The following PLAG1 variants were observed in gnomAD, a reference collection of about 807,000 sequenced individuals.
PLAG1 encodes the protein PLAG1 zinc finger.
Under a neutral mutation model 35.5 loss-of-function variants are expected in PLAG1, and 7 were observed. That is an observed-to-expected ratio of 0.20 (90% CI 0.11 to 0.37). The LOEUF is 0.37. PLAG1 is among the 10% of genes least tolerant of loss of function. The pLI is 1.00. For missense variants in PLAG1, 454 were observed against 602.8 expected (o/e 0.75, Z 2.58); for synonymous variants, 229 against 225.4 (o/e 1.02, Z -0.14).
intron 2 of PLAG1, among the ~76,000 whole-genome samples, chr8:56,178,349 CAA>C (rs1252549356): frequency 6.6e-6 from 1 of 151,012 alleles, no homozygotes; most frequent in Non-Finnish European, 1.5e-5. Flanking sequence ...TCATTGAAAA[CAA>C]GTTTAAAAAC....
At chr8:56,184,247 A>G (rs1186806731) in intron 1 of PLAG1, among the ~76,000 whole-genome samples, 4 of 152,228 alleles carry the variant, frequency 2.6e-5, no homozygotes, top group Non-Finnish European at 5.9e-5. Context: ...ATCACTGATC[A>G]TTAGGGAAAT....
Position 56,166,439 on chromosome 8 carries a change from G to A in PLAG1, c.1307C>T (p.Ser436Leu). 1 of 1,613,024 alleles carries A rather than the reference G, an allele frequency of 6.2e-7. No homozygotes were observed. Among genetic ancestry groups the A allele is most frequent in the Non-Finnish European group, 8.5e-7 (1 of 1,179,454 alleles). The stretch of plus-strand genomic sequence containing the variant: ...ATAGCTCATTCCAAGGCTCCCCACT[G>A]ATAGAGGATTATAGGGAGGACCATT... ...PLNGPPYNPL[S>L]VGSLGMSYSQ... Residue 436 changes from serine (S) to leucine (L), a missense_variant, in exon 5 of 5, where the codon TCA becomes TTA. Ser to Leu is a moderately radical substitution (Grantham distance 145). This residue lies in a region of PLAG1 where 271 missense variants were observed against 315.6 expected (regional missense o/e 0.86). Coordinates refer to ENST00000316981, the MANE Select transcript of PLAG1 (RefSeq NM_002655.3).
chr8:56,160,967 C>G lies in PLAG1; in HGVS notation c.*5276G>C, dbSNP rs1352170030. On this transcript the variant is annotated 3_prime_UTR_variant, in exon 5 of 5. Transcript: ENST00000316981. ...GTGGAATTCACATATCTTATTCTTA[C>G]AGCAAACATAACACTGTAGGCCACA... is the stretch of plus-strand genomic sequence containing the variant. The G allele has an allele frequency of 5.6e-6, 1 of 178,900 alleles. No individual in the cohort carries two copies. Among genetic ancestry groups the G allele is most frequent in the Non-Finnish European group, 1.2e-5 (1 of 83,342 alleles). The allele number at this position is 178,900 out of a possible 1,614,324, so 11.1% of individuals were successfully genotyped here. A position where few individuals can be genotyped will look rare whatever the true frequency, so the allele number is the denominator to read the frequency against.
rs71256590 is a variant in PLAG1, at chr8:56,163,236, T to TTG, written c.*3006_*3007insCA. 1 of 149,016 alleles carries TTG rather than the reference T, an allele frequency of 6.7e-6. No individual in the cohort carries two copies. The highest frequency in any genetic ancestry group is 1.4e-5 in the Non-Finnish European group (1 of 69,948). 9.2% of individuals were successfully genotyped at this position (149,016 alleles called of 1,614,324 possible). ...TTTTTTTTTTTTTTTTTTTTTTTTT[T>TTG]AACCAAGCTAAGGCACTACCAGAAA... On this transcript the variant is annotated 3_prime_UTR_variant, in exon 5 of 5. Transcript: ENST00000316981.
At chr8:56,189,108 A>G (rs1812105761) in intron 1 of PLAG1, among the ~76,000 whole-genome samples, 1 of 152,192 alleles carries the variant, frequency 6.6e-6, no homozygotes. Context: ...GGGGAAACTC[A>G]AGTATGTGCT....
chr8:56,176,038 T>C (rs941698208), intron 2 of PLAG1, among the ~76,000 whole-genome samples: 16 of 147,680 alleles, frequency 1.1e-4, no homozygotes, highest in Non-Finnish European at 2.2e-4. Context: ...AAACTCCCTT[T>C]TCCTTTTCTT....
intron 1 of PLAG1, among the ~76,000 whole-genome samples, chr8:56,185,238 G>T (rs1041513856): frequency 2.0e-5 from 3 of 152,110 alleles, no homozygotes; most frequent in African/African-American, 7.2e-5. Flanking sequence ...ATCACAAAAG[G>T]CCATGAGCAA....
intron 1 of PLAG1, among the ~76,000 whole-genome samples, chr8:56,205,556 ATTAT>A (rs1382004792): frequency 1.3e-5 from 2 of 151,830 alleles, no homozygotes; most frequent in African/African-American, 4.8e-5. Context: ...GTAGTTGGTT[ATTAT>A]TTATTCACAT....
chr8:56,179,468 A>G lies in PLAG1; in HGVS notation c.-276T>C. On this transcript the variant is annotated 5_prime_UTR_variant, in exon 2 of 5. Transcript: ENST00000316981. ...TTATTAATAGACCGTCACAGAATGA[A>G]GCATTCTGGGTGCCAAATACGGCCA... 1 of 980,266 alleles carries G rather than the reference A, an allele frequency of 1.0e-6. No homozygotes were observed. The highest frequency in any genetic ancestry group is 1.2e-6 in the Non-Finnish European group (1 of 824,794). The allele number at this position is 980,266 out of a possible 1,614,324, so 60.7% of individuals were successfully genotyped here. A position where few individuals can be genotyped will look rare whatever the true frequency, so the allele number is the denominator to read the frequency against.
chr8:56,197,834 A>G (rs532726497), intron 1 of PLAG1, among the ~76,000 whole-genome samples: 23 of 152,208 alleles, frequency 1.5e-4, no homozygotes, highest in Middle Eastern at 3.4e-3. Context: ...GGCGGTCAGG[A>G]GGTCTGTCTG....
intron 1 of PLAG1, among the ~76,000 whole-genome samples, chr8:56,196,817 C>G (rs938046646): frequency 9.2e-5 from 14 of 151,990 alleles, no homozygotes; most frequent in South Asian, 2.1e-4. Context: ...ATGCATGTGT[C>G]TCTCTCTCTC....
Position 56,167,970 on chromosome 8 carries a change from GCTTCAAACAGCCAACA to G in PLAG1, c.242+42_242+57del. On this transcript the variant is annotated intron_variant, in intron 4 of 4. Coordinates refer to ENST00000316981, the MANE Select transcript of PLAG1 (RefSeq NM_002655.3). The surrounding 1 kb of genome is among the most constrained non-coding windows in gnomAD (Gnocchi z 5.9). ...TATACAAATACATACGTTTACAATG[GCTTCAAACAGCCAACA>G]TAAGAGAAAATATAATCTGAAAGAC... is the stretch of plus-strand genomic sequence containing the variant. 1.1e-6 allele frequency: 1 copy of G among 944,800 alleles called. No homozygotes were observed. Among genetic ancestry groups the G allele is most frequent in the Non-Finnish European group, 1.6e-6 (1 of 616,992 alleles). 58.5% of individuals were successfully genotyped at this position (944,800 alleles called of 1,614,324 possible).
chr8:56,201,284 T>C (rs1812545238), intron 1 of PLAG1, among the ~76,000 whole-genome samples: 1 of 152,204 alleles, frequency 6.6e-6, no homozygotes, highest in South Asian at 2.1e-4. Context: ...TTTAATGAAA[T>C]AAGACCATTC....
intron 1 of PLAG1, among the ~76,000 whole-genome samples, chr8:56,191,339 G>A (rs995463299): frequency 6.6e-6 from 1 of 152,154 alleles, no homozygotes; most frequent in Non-Finnish European, 1.5e-5. Flanking sequence ...ATAAACTGTA[G>A]CAGCAGAGAC....
chr8:56,195,397 A>T (rs1433956769), intron 1 of PLAG1, among the ~76,000 whole-genome samples: 1 of 152,232 alleles, frequency 6.6e-6, no homozygotes, highest in Non-Finnish European at 1.5e-5. Flanking sequence ...CAAGCACTGC[A>T]GTCAGACAGC....
At chr8:56,188,265 G>T (rs1244034316) in intron 1 of PLAG1, among the ~76,000 whole-genome samples, 1 of 152,094 alleles carries the variant, frequency 6.6e-6, no homozygotes. Flanking sequence ...GAGCCATTTG[G>T]TATGCGGGGA....
Position 56,167,174 on chromosome 8 carries a change from T to G in PLAG1, c.572A>C (p.Asp191Ala). ...KEKKHQCEHC[D>A]RRFYTRKDVR... ...ATCCTTTCGGGTGTAGAACCGGCGA[T>G]CACAATGTTCGCACTGGTGCTTTTT... The change falls in exon 5 of 5, where the codon GAT becomes GCT. Residue 191 changes from aspartate to alanine, a missense_variant. Physicochemically the swap from Asp to Ala is moderately radical, Grantham distance 126 (BLOSUM62 -2). This residue lies in a region of PLAG1 where 170 missense variants were observed against 226.3 expected (regional missense o/e 0.75). Transcript: ENST00000316981. The surrounding 1 kb of genome is among the most constrained non-coding windows in gnomAD (Gnocchi z 5.9). The G allele has an allele frequency of 6.2e-7, 1 of 1,613,694 alleles. No individual in the cohort carries two copies. Among genetic ancestry groups the G allele is most frequent in the Non-Finnish European group, 8.5e-7 (1 of 1,179,826 alleles).
chr8:56,167,984 A>G lies in PLAG1; in HGVS notation c.242+44T>C. Reference sequence around the variant, plus strand: ...CGTTTACAATGGCTTCAAACAGCCAACATAAGAGAAAATATAATCTGAAAG... The same window carrying G: ...CGTTTACAATGGCTTCAAACAGCCAGCATAAGAGAAAATATAATCTGAAAG... On this transcript the variant is annotated intron_variant, in intron 4 of 4. Coordinates refer to ENST00000316981, the MANE Select transcript of PLAG1 (RefSeq NM_002655.3). This position sits in a 1 kb window ranked among gnomAD's most constrained non-coding sequence, Gnocchi z 5.9. 1.8e-6 allele frequency: 2 copies of G among 1,106,254 alleles called. No individual in the cohort carries two copies. Among genetic ancestry groups the G allele is most frequent in the Non-Finnish European group, 2.6e-6 (2 of 754,984 alleles). The allele number at this position is 1,106,254 out of a possible 1,614,324, so 68.5% of individuals were successfully genotyped here. A position where few individuals can be genotyped will look rare whatever the true frequency, so the allele number is the denominator to read the frequency against.
chr8:56,208,237 GA>G (rs1341700379), intron 1 of PLAG1, among the ~76,000 whole-genome samples: 2 of 152,134 alleles, frequency 1.3e-5, no homozygotes, highest in African/African-American at 4.8e-5. Context: ...AAGATAAAAT[GA>G]AAAGGCTTTG....
Sources: gnomAD v4.1 joint callset for allele counts (sites outside exome capture counted in the v4.1 genomes callset) on GRCh38, gnomAD v4.1.1 for gene constraint, gnomAD v4.1.1 regional missense constraint, Gnocchi (gnomAD v3.1) non-coding constraint, MANE v1.5 for transcripts, NCBI Gene and HGNC (gene_info 2026-07-23, HGNC 2026-07-21) for gene names.